The following NLK variants were observed in gnomAD, a reference collection of about 807,000 sequenced individuals.
NLK encodes nemo like kinase.
In NLK, 11 loss-of-function variants were observed where a neutral mutation model predicts 59.0. The ratio of observed to expected loss-of-function variants is 0.19; its 90% CI spans 0.12 to 0.31. The LOEUF is 0.31. Ranked by LOEUF, NLK falls within the 10% of genes least tolerant of loss-of-function variation. NLK has a pLI of 1.00. For synonymous variants in NLK, 235 were observed against 235.9 expected (o/e 1.00, Z 0.03); for missense variants, 410 against 661.1 (o/e 0.62, Z 4.16).
chr17:28,132,036 A>G (rs1472161266), intron 2 of NLK, among the ~76,000 whole-genome samples: 1 of 152,048 alleles, frequency 6.6e-6, no homozygotes, highest in African/African-American at 2.4e-5. Context: ...CGATCAACCA[A>G]CTGCCACTCA....
At chr17:28,079,226 A>G (rs1339881213) in intron 1 of NLK, among the ~76,000 whole-genome samples, 2 of 152,200 alleles carry the variant, frequency 1.3e-5, no homozygotes, top group Non-Finnish European at 2.9e-5. Flanking sequence ...AAGGCTGAAT[A>G]ATATTTTGTT....
chr17:28,158,107 G>A (rs1206136227), intron 3 of NLK, among the ~76,000 whole-genome samples: 1 of 152,142 alleles, frequency 6.6e-6, no homozygotes, highest in Non-Finnish European at 1.5e-5. Context: ...CAAATGGATA[G>A]GGAGTACAGG....
chr17:28,110,884 G>T (rs1054162582), intron 1 of NLK, among the ~76,000 whole-genome samples: 1 of 150,870 alleles, frequency 6.6e-6, no homozygotes, highest in African/African-American at 2.4e-5. Context: ...TCGCTCTGTC[G>T]CCCAGGCTGG....
At position 28,110,830 on chromosome 17, in the gene NLK, C is replaced by CT. The variant is rs907200442; in HGVS notation, c.459-11765dup. ...TTTGTTAAACAAGTCTCCTTTAATTCTTTTTTTTGTTTGTTTGTTTTTGTT... is the reference window on the plus strand; with the variant it reads ...TTTGTTAAACAAGTCTCCTTTAATTCTTTTTTTTTGTTTGTTTGTTTTTGTT... On this transcript the variant is annotated intron_variant, in intron 1 of 10. Transcript: ENST00000407008. 4.6e-5 allele frequency among the ~76,000 whole-genome samples: 7 copies of CT among 151,624 alleles called. No individual in the cohort carries two copies. The South Asian group carries it at 8.3e-4, about 18-fold the overall frequency.
intron 1 of NLK, among the ~76,000 whole-genome samples, chr17:28,059,125 CAA>C (rs1386010576): frequency 2.2e-5 from 3 of 134,314 alleles, no homozygotes; most frequent in African/African-American, 2.7e-5. Flanking sequence ...GATCCTGTCT[CAA>C]AAAAAAAAAA....
At chr17:28,188,831 G>T (rs1909211405) in intron 8 of NLK, among the ~76,000 whole-genome samples, 1 of 152,086 alleles carries the variant, frequency 6.6e-6, no homozygotes, top group Non-Finnish European at 1.5e-5. Context: ...TTTAGTCTGA[G>T]GTAACTAGTT....
At chr17:28,083,844 T>C (rs1432082381) in intron 1 of NLK, among the ~76,000 whole-genome samples, 1 of 152,180 alleles carries the variant, frequency 6.6e-6, no homozygotes. Context: ...GACCCTTAAA[T>C]AATATATAGG....
At chr17:28,047,597 G>C (rs919099593) in intron 1 of NLK, among the ~76,000 whole-genome samples, 1 of 152,154 alleles carries the variant, frequency 6.6e-6, no homozygotes, top group Non-Finnish European at 1.5e-5. Context: ...TCGAAGTAGA[G>C]ATTCACTTTG....
chr17:28,193,063 C>T (rs1909365873), intron 10 of NLK, among the ~76,000 whole-genome samples: 1 of 152,130 alleles, frequency 6.6e-6, no homozygotes, highest in Non-Finnish European at 1.5e-5. Context: ...ATATATTGAT[C>T]AGGGTCTAAT....
chr17:28,097,706 TATG>T (rs1263685598), intron 1 of NLK, among the ~76,000 whole-genome samples: 1 of 152,160 alleles, frequency 6.6e-6, no homozygotes, highest in Non-Finnish European at 1.5e-5. Flanking sequence ...CTACTGTTGA[TATG>T]ATTATAATGA....
In NLK at chr17:28,183,717, G is replaced by A. The variant is rs114643389; in HGVS notation, c.1150-1462G>A. The stretch of plus-strand genomic sequence containing the variant: ...GACCACAGAAAGGTTATAAGTAGAC[G>A]GCAGGTCTAAAACCCATTAGGAAAA... On this transcript the variant is annotated intron_variant, in intron 7 of 10. Transcript: ENST00000407008. 1.0e-3 allele frequency among the ~76,000 whole-genome samples: 158 copies of A among 152,212 alleles called. 1 individual carries two copies. The highest frequency in any genetic ancestry group is 3.7e-3 in the African/African-American group (153 of 41,520).
At chr17:28,093,072 C>G (rs1262331472) in intron 1 of NLK, among the ~76,000 whole-genome samples, 1 of 152,088 alleles carries the variant, frequency 6.6e-6, no homozygotes, top group East Asian at 1.9e-4. Context: ...GGATTACAGG[C>G]GTGAACCACC....
rs1337330090 is a variant in NLK at position 28,120,268 on chromosome 17, GTGTGTA to G, written c.459-2329_459-2324del. ...TGTGTGTGTGTGTGTGTGTGTGTGTGTGTGTATGTGTGTGTGTAAAATACAGACAGG... is the reference window on the plus strand; with the variant it reads ...TGTGTGTGTGTGTGTGTGTGTGTGTGTGTGTGTGTGTAAAATACAGACAGG... On this transcript the variant is annotated intron_variant, in intron 1 of 10. Coordinates refer to ENST00000407008, the MANE Select transcript of NLK (RefSeq NM_016231.5). 2.2e-3 allele frequency among the ~76,000 whole-genome samples: 323 copies of G among 147,038 alleles called. 1 individual carries two copies. The highest frequency in any genetic ancestry group is 7.8e-3 in the African/African-American group (298 of 38,200).
chr17:28,114,479 G>T (rs1905669540), intron 1 of NLK, among the ~76,000 whole-genome samples: 1 of 152,136 alleles, frequency 6.6e-6, no homozygotes, highest in African/African-American at 2.4e-5. Context: ...TTCCTTATAA[G>T]TGTTGCAAGC....
intron 5 of NLK, among the ~76,000 whole-genome samples, chr17:28,165,678 C>T (rs1170317283): frequency 2.6e-5 from 4 of 152,134 alleles, no homozygotes. Context: ...GTTATCTGAT[C>T]ATGTAAGCTT....
chr17:28,180,204 CCTT>C (rs1321726201), intron 7 of NLK, among the ~76,000 whole-genome samples: 1 of 151,974 alleles, frequency 6.6e-6, no homozygotes, highest in Non-Finnish European at 1.5e-5. Context: ...GTTGAGGTGT[CCTT>C]CTATAAAGAA....
At chr17:28,120,069 C>T (rs1905959189) in intron 1 of NLK, among the ~76,000 whole-genome samples, 1 of 151,996 alleles carries the variant, frequency 6.6e-6, no homozygotes, top group African/African-American at 2.4e-5. Context: ...TTCCCTTTTT[C>T]GTATTTCATT....
chr17:28,059,979 A>C (rs972574422), intron 1 of NLK, among the ~76,000 whole-genome samples: 1 of 152,238 alleles, frequency 6.6e-6, no homozygotes, highest in Non-Finnish European at 1.5e-5. Context: ...CCTTTGTTTT[A>C]AATATGATTT....
At chr17:28,065,559 G>T (rs1446063395) in intron 1 of NLK, among the ~76,000 whole-genome samples, 5 of 152,140 alleles carry the variant, frequency 3.3e-5, no homozygotes, top group Non-Finnish European at 7.4e-5. Flanking sequence ...TGATTAAAAT[G>T]ATCAGATTTA....
Sources: gnomAD v4.1 joint callset for allele counts (sites outside exome capture counted in the v4.1 genomes callset) on GRCh38, gnomAD v4.1.1 for gene constraint, MANE v1.5 for transcripts, NCBI Gene and HGNC (gene_info 2026-07-23, HGNC 2026-07-21) for gene names.